Variants in HUS1 observed in about 807,000 individuals in gnomAD.
HUS1 encodes checkpoint protein HUS1.
In HUS1, 31 loss-of-function variants were observed where a neutral mutation model predicts 32.6. The ratio of observed to expected loss-of-function variants is 0.95; its 90% CI spans 0.72 to 1.28. The LOEUF (loss-of-function observed/expected upper bound fraction) is 1.28, where lower values mean the gene tolerates loss of function less well. Ranked by LOEUF, HUS1 falls within the 50% of genes most tolerant of loss-of-function variation. The probability of loss-of-function intolerance (pLI) is 0.00; values close to 1 mark genes in which losing one functional copy is unlikely to be tolerated. For synonymous variants in HUS1, 123 were observed against 116.6 expected, an observed-to-expected ratio of 1.06 and a Z score of -0.36; for missense variants, 340 against 337.7, an observed-to-expected ratio of 1.01 and a Z score of -0.05.
At chr7:47,975,256 T>C (rs1292570143) in intron 5 of HUS1, among the ~76,000 whole-genome samples, 1 of 147,744 alleles carries the variant, frequency 6.8e-6, no homozygotes, top group Non-Finnish European at 1.5e-5. Flanking sequence ...AGGCGGAGCT[T>C]ACAGTGAGGT....
intron 3 of HUS1, among the ~76,000 whole-genome samples, chr7:47,977,957 C>A (rs1466489421): frequency 6.6e-6 from 1 of 152,150 alleles, no homozygotes; most frequent in East Asian, 1.9e-4. Flanking sequence ...TATGTATGCG[C>A]ATGAGTTTGT....
chr7:47,977,528 A>G (rs1028332502), intron 3 of HUS1, among the ~76,000 whole-genome samples: 1 of 152,066 alleles, frequency 6.6e-6, no homozygotes, highest in Non-Finnish European at 1.5e-5. Context: ...AACATACCAA[A>G]CTTATACTGT....
chr7:47,978,689 C>T lies in HUS1; in HGVS notation c.180G>A (p.Gln60=), dbSNP rs1275099670. 2 of 1,614,102 alleles carry T rather than the reference C, an allele frequency of 1.2e-6. No individual in the cohort carries two copies. Among genetic ancestry groups the T allele is most frequent in the Non-Finnish European group, 8.5e-7 (1 of 1,179,968 alleles). The change falls in exon 2 of 8, where the codon CAG becomes CAA. Residue 60 remains glutamine (Q), a splice_region_variant and synonymous_variant. Transcript: ENST00000258774. The part of the protein sequence containing the change: ...GGVSMWCELE[Q]ENFFNEFQME... The stretch of plus-strand genomic sequence containing the variant: ...AGGCCTCTCAGAAGCTTTTGCTCAC[C>T]TGTTCCAGCTCACACCACATGCTCA...
rs1456868538 is a variant in HUS1, at chr7:47,963,603, A to T, written c.*1753T>A. 1 of 152,218 alleles carries T rather than the reference A, an allele frequency of 6.6e-6. No individual in the cohort carries two copies. The highest frequency in any genetic ancestry group is 1.5e-5 in the Non-Finnish European group (1 of 68,040). 9.4% of individuals were successfully genotyped at this position (152,218 alleles called of 1,614,324 possible). A position where few individuals can be genotyped will look rare whatever the true frequency, so the allele number is the denominator to read the frequency against. On this transcript the variant is annotated 3_prime_UTR_variant, in exon 8 of 8. Coordinates refer to ENST00000258774, the MANE Select transcript of HUS1 (RefSeq NM_004507.4). ...AAATGTTAATTTAACAAAATATTCC[A>T]TCCTATTTCAACATTATTAAACATA...
chr7:47,978,562 C>A lies in HUS1; in HGVS notation c.212G>T (p.Gly71Val), dbSNP rs751218600. ...ENFFNEFQME[G>V]VSAENNEIYL... ...AATCTCATTGTTTTCTGCAGAGACA[C>A]CCTCCATTTGAAATTCGTTGAAGAA... Residue 71 changes from glycine to valine, a missense_variant, in exon 3 of 8, where the codon GGT becomes GTT. Coordinates refer to ENST00000258774, the MANE Select transcript of HUS1 (RefSeq NM_004507.4). 6.2e-7 allele frequency: 1 copy of A among 1,614,138 alleles called. No homozygotes were observed. Among genetic ancestry groups the A allele is most frequent in the Non-Finnish European group, 8.5e-7 (1 of 1,179,988 alleles).
At chr7:47,965,945 A>C (rs1247931499) in intron 7 of HUS1, among the ~76,000 whole-genome samples, 1 of 151,986 alleles carries the variant, frequency 6.6e-6, no homozygotes, top group Non-Finnish European at 1.5e-5. Flanking sequence ...AGGGAAGTAA[A>C]GAGCACATGA....
In HUS1 at chr7:47,978,471, C is replaced by G. The variant is rs1788754695; in HGVS notation, c.303G>C (p.Leu101Phe). ...AGTGTTTATTAGTCAGTTTGATTTTCAAAGCCCTGGCATTCTGGGCAGTCT... is the reference window on the plus strand; with the variant it reads ...AGTGTTTATTAGTCAGTTTGATTTTGAAAGCCCTGGCATTCTGGGCAGTCT... ...ALKTAQNARA[L>F]KIKLTNKHFP... Residue 101 changes from leucine to phenylalanine, a missense_variant, in exon 3 of 8, where the codon TTG becomes TTC. Transcript: ENST00000258774. The G allele has an allele frequency of 1.2e-6, 2 of 1,614,238 alleles. No homozygotes were observed. The highest frequency in any genetic ancestry group is 1.7e-6 in the Non-Finnish European group (2 of 1,180,040).
At chr7:47,974,825 C>A (rs1788667156) in intron 5 of HUS1, among the ~76,000 whole-genome samples, 1 of 152,048 alleles carries the variant, frequency 6.6e-6, no homozygotes, top group Non-Finnish European at 1.5e-5. Context: ...ACAAAATAAA[C>A]AGAAAATAAA....
chr7:47,968,868 T>C lies in HUS1; in HGVS notation c.640+351A>G, dbSNP rs3176584. The C allele has an allele frequency of 6.9e-3, 1,302 of 189,002 alleles. 6 individuals are homozygous for C. Among genetic ancestry groups the C allele is most frequent in the Non-Finnish European group, 9.5e-3 (905 of 95,240 alleles). 11.7% of individuals were successfully genotyped at this position (189,002 alleles called of 1,614,324 possible). On this transcript the variant is annotated intron_variant, in intron 6 of 7. Transcript: ENST00000258774. ...AGGAGAATATAAGAACAAATGTATC[T>C]ACCTTTCTGAATCCATGCCAGGTGA...
Position 47,964,715 on chromosome 7 carries a change from G to A in HUS1, c.*641C>T, listed in dbSNP as rs1013240511. 2 of 152,272 alleles carry A rather than the reference G, an allele frequency of 1.3e-5. No homozygotes were observed. The highest frequency in any genetic ancestry group is 4.8e-5 in the African/African-American group (2 of 41,452). The allele number at this position is 152,272 out of a possible 1,614,324, so 9.4% of individuals were successfully genotyped here. ...GAAACTAGTTGGAATGGCAGAAGGA[G>A]CTCCCAGCTAAGAGCTGTGTTGGCT... On this transcript the variant is annotated 3_prime_UTR_variant, in exon 8 of 8. Transcript: ENST00000258774.
At chr7:47,967,004 A>G (rs915842704) in intron 7 of HUS1, among the ~76,000 whole-genome samples, 1 of 152,160 alleles carries the variant, frequency 6.6e-6, no homozygotes, top group South Asian at 2.1e-4. Context: ...CTCATTCAAA[A>G]GGGCTGGTCC....
intron 5 of HUS1, among the ~76,000 whole-genome samples, chr7:47,972,589 AAT>A (rs1276455683): frequency 6.6e-6 from 1 of 152,256 alleles, no homozygotes; most frequent in African/African-American, 2.4e-5. Context: ...ATTTCCTTAA[AAT>A]AGTCAACTAT....
In HUS1 at chr7:47,965,196, T is replaced by C; in HGVS notation, c.*160A>G. The C allele has an allele frequency of 3.7e-6, 2 of 545,058 alleles. No individual in the cohort carries two copies. Among genetic ancestry groups the C allele is most frequent in the South Asian group, 5.1e-5 (2 of 38,842 alleles). 33.8% of individuals were successfully genotyped at this position (545,058 alleles called of 1,614,324 possible). A position where few individuals can be genotyped will look rare whatever the true frequency, so the allele number is the denominator to read the frequency against. ...AGTGATATGTTTATCCAACTGTGTGTTGTTGAATCAACTTTTAGTTAAAAT... is the reference window on the plus strand; with the variant it reads ...AGTGATATGTTTATCCAACTGTGTGCTGTTGAATCAACTTTTAGTTAAAAT... On this transcript the variant is annotated 3_prime_UTR_variant, in exon 8 of 8. Coordinates refer to ENST00000258774, the MANE Select transcript of HUS1 (RefSeq NM_004507.4).
At chr7:47,971,423 C>T (rs529114660) in intron 5 of HUS1, 25 of 456,144 alleles carry the variant, frequency 5.5e-5, no homozygotes, top group Non-Finnish European at 9.7e-5. Flanking sequence ...TCTTGCTGCC[C>T]GGGGACTGTC....
intron 7 of HUS1, among the ~76,000 whole-genome samples, chr7:47,966,386 T>C (rs2037485): frequency 0.46 from 69,893 of 152,100 alleles, 16,802 homozygotes; most frequent in East Asian, 0.53. Context: ...AAAGTGAATG[T>C]TGGGAAGACA....
At chr7:47,972,818 G>T (rs544634959) in intron 5 of HUS1, among the ~76,000 whole-genome samples, 1 of 152,120 alleles carries the variant, frequency 6.6e-6, no homozygotes, top group African/African-American at 2.4e-5. Context: ...CATAGACTCT[G>T]GTTTCTATCA....
Position 47,975,715 on chromosome 7 carries a change from A to G in HUS1, c.466-28T>C, listed in dbSNP as rs779359299. On this transcript the variant is annotated intron_variant, in intron 4 of 7. Coordinates refer to ENST00000258774, the MANE Select transcript of HUS1 (RefSeq NM_004507.4). ...ACAAAACCAATGAGAAAAAAGCACA[A>G]GTATTAAAAATATTAATATACTCTA... 9 of 1,358,068 alleles carry G rather than the reference A, an allele frequency of 6.6e-6. No homozygotes were observed. The East Asian group carries it at 1.2e-4, about 18-fold the overall frequency. 84.1% of individuals were successfully genotyped at this position (1,358,068 alleles called of 1,614,324 possible).
chr7:47,970,498 A>G lies in HUS1; in HGVS notation c.541-1180T>C, dbSNP rs3176566. 3.3e-3 allele frequency among the ~76,000 whole-genome samples: 505 copies of G among 152,308 alleles called. 4 individuals carry two copies. Among genetic ancestry groups the G allele is most frequent in the African/African-American group, 0.012 (481 of 41,564 alleles). Reference sequence around the variant, plus strand: ...AAAGGAGAAAGATAAAATTTACCAAACAGAAACAAAGAGTTAAAAGGATCT... The same window carrying G: ...AAAGGAGAAAGATAAAATTTACCAAGCAGAAACAAAGAGTTAAAAGGATCT... On this transcript the variant is annotated intron_variant, in intron 5 of 7. Transcript: ENST00000258774.
intron 4 of HUS1, 64 bp from the exon 5 acceptor site, chr7:47,975,751 G>A (rs1788690747): frequency 1.1e-6 from 1 of 912,348 alleles, no homozygotes; most frequent in Non-Finnish European, 1.7e-6. Context: ...GTAATGACAA[G>A]GGCCCCATAA....
Sources: gnomAD v4.1 joint callset for allele counts (sites outside exome capture counted in the v4.1 genomes callset) on GRCh38, gnomAD v4.1.1 for gene constraint, MANE v1.5 for transcripts, NCBI Gene and HGNC (gene_info 2026-07-23, HGNC 2026-07-21) for gene names.